MTSS1: variants seen among roughly 807,000 people sequenced by gnomAD.
The protein encoded by MTSS1 is MTSS I-BAR domain containing 1.
Under a neutral mutation model 79.0 loss-of-function variants are expected in MTSS1, and 18 were observed. The ratio of observed to expected loss-of-function variants is 0.23; its 90% CI spans 0.16 to 0.34. MTSS1 has a LOEUF of 0.34. Ranked by LOEUF, MTSS1 falls within the 10% of genes least tolerant of loss-of-function variation. MTSS1 has a pLI of 1.00. For missense variants in MTSS1, 815 were observed against 986.2 expected (o/e 0.83, Z 2.33); for synonymous variants, 341 against 368.6 (o/e 0.93, Z 0.86).
At chr8:124,577,741 C>T (rs1486520586) in intron 6 of MTSS1, 1 of 453,090 alleles carries the variant, frequency 2.2e-6, no homozygotes, top group Non-Finnish European at 4.4e-6. Flanking sequence ...CTGGAACCAT[C>T]CCACCCTCTG....
At chr8:124,592,203 T>C (rs1041270203) in intron 3 of MTSS1, among the ~76,000 whole-genome samples, 1 of 152,184 alleles carries the variant, frequency 6.6e-6, no homozygotes, top group African/African-American at 2.4e-5. Context: ...CTTTTCCCCT[T>C]CAGGCACACC....
At chr8:124,557,469 C>G (rs1459491948) in intron 11 of MTSS1, among the ~76,000 whole-genome samples, 1 of 152,196 alleles carries the variant, frequency 6.6e-6, no homozygotes, top group East Asian at 1.9e-4. Flanking sequence ...GACCCTCAGC[C>G]CCAGCTACCT....
At chr8:124,688,362 A>G (rs2135163053) in intron 3 of MTSS1, among the ~76,000 whole-genome samples, 1 of 148,278 alleles carries the variant, frequency 6.7e-6, no homozygotes, top group African/African-American at 2.5e-5. Context: ...TGTGTGTTGT[A>G]CGTGTGTACA....
At chr8:124,656,302 T>C (rs60316947) in intron 3 of MTSS1, among the ~76,000 whole-genome samples, 3,029 of 152,254 alleles carry the variant, frequency 0.02, 94 homozygotes, top group African/African-American at 0.07. Context: ...AGGACAGGTG[T>C]AGAGCTAGGG....
intron 3 of MTSS1, among the ~76,000 whole-genome samples, chr8:124,636,569 G>T (rs1386479336): frequency 6.6e-6 from 1 of 152,162 alleles, no homozygotes; most frequent in South Asian, 2.1e-4. Context: ...TGATCATTCT[G>T]ACAGCTGTGA....
intron 6 of MTSS1, among the ~76,000 whole-genome samples, chr8:124,573,060 A>G (rs1032734288): frequency 6.6e-6 from 1 of 152,166 alleles, no homozygotes; most frequent in Non-Finnish European, 1.5e-5. Context: ...GATTACTTTC[A>G]AAATGCAAAT....
chr8:124,711,244 G>A (rs1831119545), intron 1 of MTSS1, among the ~76,000 whole-genome samples: 2 of 152,146 alleles, frequency 1.3e-5, no homozygotes, highest in South Asian at 2.1e-4. Flanking sequence ...GTGGAGGTGG[G>A]GCCGTTTAAT....
chr8:124,628,045 T>C (rs1815090903), intron 3 of MTSS1, among the ~76,000 whole-genome samples: 1 of 152,148 alleles, frequency 6.6e-6, no homozygotes, highest in Non-Finnish European at 1.5e-5. Flanking sequence ...CATGTGCCTG[T>C]AATCCCAGCT....
chr8:124,595,564 C>T (rs1440078784), intron 3 of MTSS1, among the ~76,000 whole-genome samples: 1 of 152,204 alleles, frequency 6.6e-6, no homozygotes, highest in East Asian at 1.9e-4. Flanking sequence ...TCTCTCTCCG[C>T]CTCCAATTTT....
chr8:124,687,266 C>T (rs1827141858), intron 3 of MTSS1, among the ~76,000 whole-genome samples: 1 of 152,198 alleles, frequency 6.6e-6, no homozygotes, highest in South Asian at 2.1e-4. Flanking sequence ...TCATCTCCCA[C>T]ACAGACATAC....
intron 3 of MTSS1, among the ~76,000 whole-genome samples, chr8:124,615,025 T>A (rs1836577423): frequency 1.3e-5 from 2 of 152,168 alleles, no homozygotes; most frequent in South Asian, 4.1e-4. Context: ...TGTTGGAGGT[T>A]CCAGAAGGCG....
rs972663154 is a variant in MTSS1 at position 124,553,806 on chromosome 8, AAGCTTCCCCC to A, written c.1568-124_1568-115del. 2.5e-5 allele frequency: 23 copies of A among 902,846 alleles called. No homozygotes were observed. In the African/African-American group the frequency reaches 3.3e-4, roughly 13 times the overall value. The allele number at this position is 902,846 out of a possible 1,614,324, so 55.9% of individuals were successfully genotyped here. ...CAGGGTACACACACAGTCTCATCCC[AAGCTTCCCCC>A]AGGCTTCTCTACCATCTTCAGAAAG... On this transcript the variant is annotated intron_variant, in intron 13 of 13. Transcript: ENST00000518547. The surrounding 1 kb of genome is among the most constrained non-coding windows in gnomAD (Gnocchi z 6.0).
chr8:124,612,773 G>A (rs533040458), intron 3 of MTSS1, among the ~76,000 whole-genome samples: 20 of 152,124 alleles, frequency 1.3e-4, no homozygotes, highest in African/African-American at 3.9e-4. Context: ...ACAAACATTC[G>A]AAAGCAGATT....
At chr8:124,713,818 C>T (rs1487042756) in intron 1 of MTSS1, among the ~76,000 whole-genome samples, 3 of 151,452 alleles carry the variant, frequency 2.0e-5, no homozygotes, top group African/African-American at 7.3e-5. Context: ...TTCCCAGGCC[C>T]CTCATTGCTG....
chr8:124,601,251 G>A (rs1270596474), intron 3 of MTSS1, among the ~76,000 whole-genome samples: 4 of 151,850 alleles, frequency 2.6e-5, no homozygotes, highest in Non-Finnish European at 4.4e-5. Flanking sequence ...TAGTAGAGAC[G>A]GGGTTTCACC....
At chr8:124,631,564 C>T (rs1815960031) in intron 3 of MTSS1, among the ~76,000 whole-genome samples, 1 of 152,212 alleles carries the variant, frequency 6.6e-6, no homozygotes, top group Non-Finnish European at 1.5e-5. Flanking sequence ...GTCAATGCCA[C>T]CCTGCCCCTC....
At chr8:124,703,772 A>T (rs1830029453) in intron 2 of MTSS1, among the ~76,000 whole-genome samples, 3 of 152,238 alleles carry the variant, frequency 2.0e-5, no homozygotes, top group Admixed American at 2.0e-4. Context: ...TGGGGATAAT[A>T]ATGGTATGTA....
intron 6 of MTSS1, among the ~76,000 whole-genome samples, chr8:124,572,367 T>C (rs190094057): frequency 1.1e-3 from 153 of 133,820 alleles, no homozygotes; most frequent in African/African-American, 4.6e-3. Context: ...GTAATTATAT[T>C]TATAAAAAAA....
chr8:124,623,989 G>T (rs1008583250), intron 3 of MTSS1, among the ~76,000 whole-genome samples: 1 of 152,142 alleles, frequency 6.6e-6, no homozygotes, highest in Non-Finnish European at 1.5e-5. Flanking sequence ...GCCTTTCTCT[G>T]GGAAAGTAAG....
Sources: allele counts gnomAD v4.1 joint callset (sites outside exome capture counted in the v4.1 genomes callset), GRCh38; gene constraint gnomAD v4.1.1; non-coding constraint Gnocchi (gnomAD v3.1); transcripts MANE v1.5; gene names NCBI Gene and HGNC (gene_info 2026-07-23, HGNC 2026-07-21).